The following SRSF12 variants were observed in gnomAD, a reference collection of about 807,000 sequenced individuals.
SRSF12 encodes serine/arginine-rich splicing factor 12.
A neutral mutation model predicts 34.1 loss-of-function variants in SRSF12; 21 were observed. The observed-to-expected ratio is 0.62, with a 90% CI of 0.44 to 0.89. The LOEUF (loss-of-function observed/expected upper bound fraction) is 0.89, where lower values mean the gene tolerates loss of function less well. SRSF12 is among the 40% of genes least tolerant of loss of function. SRSF12 has a pLI of 0.00. For missense variants in SRSF12, 278 were observed against 327.8 expected (o/e 0.85, Z 1.17); for synonymous variants, 111 against 110.8 (o/e 1.00, Z -0.01).
Position 89,096,994 on chromosome 6 carries a change from G to A in SRSF12, c.*1584C>T, listed in dbSNP as rs1246779473. 1 of 152,168 alleles carries A rather than the reference G, an allele frequency of 6.6e-6. No homozygotes were observed. Among genetic ancestry groups the A allele is most frequent in the Non-Finnish European group, 1.5e-5 (1 of 68,018 alleles). The allele number at this position is 152,168 out of a possible 1,614,324, so 9.4% of individuals were successfully genotyped here. A position where few individuals can be genotyped will look rare whatever the true frequency, so the allele number is the denominator to read the frequency against. ...GTAGTTTTGAAATAAATTTTGCTATGATTAGAGAAAATCTATTCAGAAAGT... is the reference window on the plus strand; with the variant it reads ...GTAGTTTTGAAATAAATTTTGCTATAATTAGAGAAAATCTATTCAGAAAGT... On this transcript the variant is annotated 3_prime_UTR_variant, in exon 5 of 5. Coordinates refer to ENST00000452027, the MANE Select transcript of SRSF12 (RefSeq NM_080743.5).
intron 4 of SRSF12, among the ~76,000 whole-genome samples, chr6:89,100,522 T>TAAAAAAAA (rs35086229): frequency 6.9e-6 from 1 of 144,742 alleles, no homozygotes. Context: ...CATGTTATGT[T>TAAAAAAAA]AAAAAAAAAA....
At chr6:89,109,239 C>T (rs764625760) in intron 1 of SRSF12, among the ~76,000 whole-genome samples, 6 of 152,128 alleles carry the variant, frequency 3.9e-5, no homozygotes. Flanking sequence ...CATAGTGAGG[C>T]CCAGTTATGT....
At chr6:89,116,268 G>A (rs1239652167) in intron 1 of SRSF12, among the ~76,000 whole-genome samples, 2 of 152,184 alleles carry the variant, frequency 1.3e-5, no homozygotes, top group African/African-American at 4.8e-5. Context: ...CAGACACCCT[G>A]AAGAGGCTTG....
Position 89,097,729 on chromosome 6 carries a change from T to TC in SRSF12, c.*848dup, listed in dbSNP as rs1768328706. On this transcript the variant is annotated 3_prime_UTR_variant, in exon 5 of 5. Transcript: ENST00000452027. ...GTTCCATATAAAGTTGAGCAAGAAC[T>TC]CTAAAAAGAAAAAATTAAGCAACAG... 1 of 152,186 alleles carries TC rather than the reference T, an allele frequency of 6.6e-6. No individual in the cohort carries two copies. The highest frequency in any genetic ancestry group is 2.4e-5 in the African/African-American group (1 of 41,444). The allele number at this position is 152,186 out of a possible 1,614,324, so 9.4% of individuals were successfully genotyped here.
At position 89,098,673 on chromosome 6, in the gene SRSF12, A is replaced by G; in HGVS notation, c.691T>C (p.Tyr231His). 1 of 1,613,950 alleles carries G rather than the reference A, an allele frequency of 6.2e-7. No homozygotes were observed. Among genetic ancestry groups the G allele is most frequent in the African/African-American group, 1.3e-5 (1 of 75,026 alleles). ...TGTACTTTAGTTTCAGAATTGGTATACCCTTTGGGAGATTTACACGGGGAT... is the reference window on the plus strand; with the variant it reads ...TGTACTTTAGTTTCAGAATTGGTATGCCCTTTGGGAGATTTACACGGGGAT... Reference protein sequence around the residue: ...ARSPCKSPKGYTNSETKVQTA... With the variant: ...ARSPCKSPKGHTNSETKVQTA... Residue 231 changes from tyrosine to histidine, a missense_variant, in exon 5 of 5, where the codon TAT (tyrosine) becomes CAT (histidine). Transcript: ENST00000452027.
intron 4 of SRSF12, among the ~76,000 whole-genome samples, chr6:89,102,417 C>T (rs754774744): frequency 6.6e-6 from 1 of 152,126 alleles, no homozygotes; most frequent in Non-Finnish European, 1.5e-5. Flanking sequence ...AGGCATGAGC[C>T]ACTGCACCTG....
In SRSF12 at chr6:89,096,509, A is replaced by T. The variant is rs1768291182; in HGVS notation, c.*2069T>A. ...CATTCCAGCTTTTTCATCAAACCAA[A>T]TGGTATCCTCCTAAGCAGCCCAGGG... On this transcript the variant is annotated 3_prime_UTR_variant, in exon 5 of 5. Coordinates refer to ENST00000452027, the MANE Select transcript of SRSF12 (RefSeq NM_080743.5). 1 of 152,216 alleles carries T rather than the reference A, an allele frequency of 6.6e-6. No homozygotes were observed. Among genetic ancestry groups the T allele is most frequent in the African/African-American group, 2.4e-5 (1 of 41,460 alleles). 9.4% of individuals were successfully genotyped at this position (152,216 alleles called of 1,614,324 possible).
chr6:89,101,941 T>C (rs1008695709), intron 4 of SRSF12, among the ~76,000 whole-genome samples: 1 of 151,494 alleles, frequency 6.6e-6, no homozygotes, highest in Non-Finnish European at 1.5e-5. Context: ...TAATTCACTA[T>C]CAGCAGATGT....
At chr6:89,115,374 T>C (rs902648572) in intron 1 of SRSF12, among the ~76,000 whole-genome samples, 2 of 151,340 alleles carry the variant, frequency 1.3e-5, no homozygotes, top group African/African-American at 2.4e-5. Context: ...CCTCCACCTC[T>C]GGGGTTCAAG....
Position 89,109,329 on chromosome 6 carries a change from T to C in SRSF12, c.66-2071A>G, listed in dbSNP as rs1322974640. ...GCTAAAGCAGGTGTCTTCACCAGCA[T>C]ATCTCTGTACCTAATGTAGCTGCTG... is the stretch of plus-strand genomic sequence containing the variant. On this transcript the variant is annotated intron_variant, in intron 1 of 4. Coordinates refer to ENST00000452027, the MANE Select transcript of SRSF12 (RefSeq NM_080743.5). Among the ~76,000 whole-genome samples, 7 of 152,356 alleles carry C rather than the reference T, an allele frequency of 4.6e-5. 1 individual carries two copies. In the South Asian group the frequency reaches 1.2e-3, roughly 27 times the overall value.
intron 1 of SRSF12, among the ~76,000 whole-genome samples, chr6:89,108,130 CT>C (rs1346140464): frequency 6.6e-6 from 1 of 152,086 alleles, no homozygotes; most frequent in Non-Finnish European, 1.5e-5. Context: ...TATTTCGAGC[CT>C]GCTTATGTGC....
At chr6:89,109,813 C>T (rs1264921843) in intron 1 of SRSF12, among the ~76,000 whole-genome samples, 3 of 152,148 alleles carry the variant, frequency 2.0e-5, no homozygotes, top group Non-Finnish European at 2.9e-5. Context: ...ATTTTCTGGC[C>T]GGGCGCGGTG....
At chr6:89,102,484 T>C (rs1266317170) in intron 4 of SRSF12, among the ~76,000 whole-genome samples, 2 of 152,160 alleles carry the variant, frequency 1.3e-5, no homozygotes, top group Non-Finnish European at 2.9e-5. Context: ...ATGTAGAATA[T>C]ATTCTGGAAT....
chr6:89,101,787 A>G (rs1328078567), intron 4 of SRSF12, among the ~76,000 whole-genome samples: 4 of 152,140 alleles, frequency 2.6e-5, no homozygotes, highest in Non-Finnish European at 4.4e-5. Context: ...AAGACTGACA[A>G]CTCACTATGG....
chr6:89,100,807 C>A (rs1465919889), intron 4 of SRSF12, among the ~76,000 whole-genome samples: 1 of 151,950 alleles, frequency 6.6e-6, no homozygotes, highest in Non-Finnish European at 1.5e-5. Flanking sequence ...CTAGATATAG[C>A]AGAAGAAATA....
chr6:89,104,077 T>C (rs942573782), intron 4 of SRSF12, among the ~76,000 whole-genome samples: 1 of 138,524 alleles, frequency 7.2e-6, no homozygotes, highest in Non-Finnish European at 1.5e-5. Flanking sequence ...CCTCAAGTGA[T>C]ACTCCCACCT....
At chr6:89,107,609 T>C (rs1317069929) in intron 1 of SRSF12, among the ~76,000 whole-genome samples, 3 of 152,018 alleles carry the variant, frequency 2.0e-5, no homozygotes, top group Non-Finnish European at 2.9e-5. Flanking sequence ...CGTGTGCCTG[T>C]AGTCCCAGCT....
intron 4 of SRSF12, among the ~76,000 whole-genome samples, chr6:89,099,397 T>C (rs1268941802): frequency 5.4e-5 from 1 of 18,482 alleles, no homozygotes; most frequent in African/African-American, 1.1e-4. Flanking sequence ...TCTCTCTCTC[T>C]CTCTCCATAT....
chr6:89,098,894 A>G lies in SRSF12; in HGVS notation c.470T>C (p.Leu157Ser), dbSNP rs1217264114. ...YSQSKSRSKSLPRRSTSARQS... is the reference protein window; with the variant it reads ...YSQSKSRSKSSPRRSTSARQS... ...CCTTGCTGAGGTAGACCGCCTTGGT[A>G]ATGATTTGGAACGAGATTTAGACTG... The change falls in exon 5 of 5, where the codon TTA becomes TCA. Residue 157 changes from leucine (L) to serine (S), a missense_variant. Coordinates refer to ENST00000452027, the MANE Select transcript of SRSF12 (RefSeq NM_080743.5). 1.2e-6 allele frequency: 2 copies of G among 1,613,952 alleles called. No individual in the cohort carries two copies. Among genetic ancestry groups the G allele is most frequent in the Non-Finnish European group, 1.7e-6 (2 of 1,179,874 alleles).
Sources: gnomAD v4.1 joint callset for allele counts (sites outside exome capture counted in the v4.1 genomes callset) on GRCh38, gnomAD v4.1.1 for gene constraint, MANE v1.5 for transcripts, NCBI Gene and HGNC (gene_info 2026-07-23, HGNC 2026-07-21) for gene names.